Variants in LARS2 observed in about 807,000 individuals in gnomAD.
The protein encoded by LARS2 is leucyl-tRNA synthetase 2, mitochondrial, also known as leucine--tRNA ligase, mitochondrial.
A neutral mutation model predicts 116.6 loss-of-function variants in LARS2; 81 were observed. The ratio of observed to expected loss-of-function variants is 0.69; its 90% CI spans 0.58 to 0.84. The LOEUF is 0.84. LARS2 is among the 40% of genes least tolerant of loss of function. The pLI is 0.00. For missense variants in LARS2, 968 were observed against 1,114.5 expected, an observed-to-expected ratio of 0.87 and a Z score of 1.87; for synonymous variants, 396 against 407.2, an observed-to-expected ratio of 0.97 and a Z score of 0.33.
At chr3:45,511,644 A>G (rs894298332) in intron 15 of LARS2, among the ~76,000 whole-genome samples, 4 of 152,008 alleles carry the variant, frequency 2.6e-5, no homozygotes, top group African/African-American at 9.7e-5. Flanking sequence ...GGGGTTAGTC[A>G]GTTTTTCGCA....
intron 6 of LARS2, among the ~76,000 whole-genome samples, chr3:45,435,977 C>A (rs927907700): frequency 2.0e-5 from 3 of 152,182 alleles, no homozygotes; most frequent in African/African-American, 4.8e-5. Flanking sequence ...GCTTTCCTAA[C>A]CCTTCTCTTA....
chr3:45,400,342 T>C lies in LARS2; in HGVS notation c.332T>C (p.Ile111Thr). The C allele has an allele frequency of 4.3e-6, 7 of 1,612,958 alleles. No homozygotes were observed. The highest frequency in any genetic ancestry group is 1.6e-4 in the Middle Eastern group (1 of 6,062). ...CGTGTCTACACCATCAGCGACACCA[T>C]AGCACGGTTCCAGAAGATGAGAGGG... ...HVRVYTISDT[I>T]ARFQKMRGMQ... The change falls in exon 4 of 22, where the codon ATA becomes ACA. Residue 111 changes from isoleucine to threonine, a missense_variant. Coordinates refer to ENST00000645846, the MANE Select transcript of LARS2 (RefSeq NM_015340.4).
At chr3:45,458,280 A>G (rs1271918470) in intron 7 of LARS2, among the ~76,000 whole-genome samples, 1 of 152,170 alleles carries the variant, frequency 6.6e-6, no homozygotes, top group Non-Finnish European at 1.5e-5. Flanking sequence ...GAGGAAATTA[A>G]TGTGTTCTTT....
chr3:45,437,065 A>G (rs1249506897), intron 6 of LARS2, among the ~76,000 whole-genome samples: 7 of 152,224 alleles, frequency 4.6e-5, no homozygotes, highest in Admixed American at 4.6e-4. Context: ...TAAAAAAGAC[A>G]GTGTGAGATG....
At chr3:45,492,763 C>T (rs185599605) in intron 13 of LARS2, among the ~76,000 whole-genome samples, 28 of 152,296 alleles carry the variant, frequency 1.8e-4, no homozygotes, top group African/African-American at 6.7e-4. Flanking sequence ...ACCTTCTAGG[C>T]CTTCAATAAA....
intron 5 of LARS2, 131 bp downstream of exon 5, chr3:45,417,704 G>A (rs1354128209): frequency 1.2e-5 from 7 of 603,650 alleles, no homozygotes; most frequent in East Asian, 2.8e-5. Flanking sequence ...ATATGATTGT[G>A]TATATTGGTG....
chr3:45,426,816 A>T (rs1698602259), intron 6 of LARS2, among the ~76,000 whole-genome samples: 1 of 152,128 alleles, frequency 6.6e-6, no homozygotes, highest in Non-Finnish European at 1.5e-5. Flanking sequence ...CAAGGAAGTT[A>T]TTTGTTTTGT....
chr3:45,456,145 A>C (rs1283676975), intron 7 of LARS2, among the ~76,000 whole-genome samples: 3 of 152,116 alleles, frequency 2.0e-5, no homozygotes, highest in African/African-American at 4.8e-5. Context: ...TGAAAGAGTA[A>C]ATTTATCACC....
At chr3:45,458,233 TTCCTTCCCA>T (rs1419934898) in intron 7 of LARS2, among the ~76,000 whole-genome samples, 1 of 152,176 alleles carries the variant, frequency 6.6e-6, no homozygotes, top group Non-Finnish European at 1.5e-5. Flanking sequence ...CCTTAAAGGC[TTCCTTCCCA>T]AGCCTATTGT....
At chr3:45,432,454 C>T (rs1187764519) in intron 6 of LARS2, among the ~76,000 whole-genome samples, 1 of 151,934 alleles carries the variant, frequency 6.6e-6, no homozygotes, top group African/African-American at 2.4e-5. Flanking sequence ...TCTTCTCAGA[C>T]CACAATGGTA....
rs1700711013 is a variant in LARS2, at chr3:45,536,701, A to AT, written c.2405-5123dup. 2.6e-5 allele frequency among the ~76,000 whole-genome samples: 4 copies of AT among 152,212 alleles called. No individual in the cohort carries two copies. In the South Asian group the frequency reaches 6.2e-4, roughly 24 times the overall value. On this transcript the variant is annotated intron_variant, in intron 20 of 21. Transcript: ENST00000645846. ...GCTTCTTGAAGCAAAGCGAAACCTA[A>AT]TTTTTAAATTGAAAAGCATGTCTAT...
At chr3:45,526,244 T>C (rs1441924627) in intron 20 of LARS2, among the ~76,000 whole-genome samples, 2 of 152,248 alleles carry the variant, frequency 1.3e-5, no homozygotes, top group African/African-American at 4.8e-5. Flanking sequence ...CAGAATTGTT[T>C]TATCCTTTTT....
intron 11 of LARS2, among the ~76,000 whole-genome samples, 178 bp from the exon 12 acceptor site, chr3:45,488,519 G>T (rs1284978506): frequency 6.6e-6 from 1 of 152,226 alleles, no homozygotes; most frequent in Non-Finnish European, 1.5e-5. Context: ...TGTTTTGGCA[G>T]TGGGTTTCTC....
At chr3:45,414,892 G>A (rs539330606) in intron 4 of LARS2, among the ~76,000 whole-genome samples, 5 of 152,328 alleles carry the variant, frequency 3.3e-5, no homozygotes, top group Middle Eastern at 3.4e-3. Flanking sequence ...GAAAGAAGTG[G>A]CGTCTGTGGT....
At chr3:45,490,106 A>G (rs1243212813) in intron 12 of LARS2, among the ~76,000 whole-genome samples, 1 of 152,212 alleles carries the variant, frequency 6.6e-6, no homozygotes, top group Non-Finnish European at 1.5e-5. Context: ...TTGTGGCTTT[A>G]CTTCATAAAC....
intron 15 of LARS2, among the ~76,000 whole-genome samples, chr3:45,510,660 G>A (rs192077144): frequency 1.9e-4 from 29 of 152,376 alleles, no homozygotes; most frequent in African/African-American, 7.0e-4. Context: ...GAGTAAAGAC[G>A]TGGAAGCACA....
At chr3:45,416,642 C>A (rs530408973) in intron 4 of LARS2, among the ~76,000 whole-genome samples, 2 of 152,226 alleles carry the variant, frequency 1.3e-5, no homozygotes, top group Non-Finnish European at 2.9e-5. Flanking sequence ...CCACCAGTCA[C>A]GTGTGTCTGC....
chr3:45,416,558 G>A (rs1021625039), intron 4 of LARS2, among the ~76,000 whole-genome samples: 2 of 152,184 alleles, frequency 1.3e-5, no homozygotes, highest in African/African-American at 4.8e-5. Flanking sequence ...TTATGCATGT[G>A]TTCTGCAGCA....
intron 4 of LARS2, among the ~76,000 whole-genome samples, chr3:45,412,716 A>C (rs13070212): frequency 4.6e-5 from 7 of 152,176 alleles, no homozygotes; most frequent in African/African-American, 1.2e-4. Flanking sequence ...GAAATGCAGC[A>C]TAGGATGTGG....
Sources: gnomAD v4.1 joint callset for allele counts (sites outside exome capture counted in the v4.1 genomes callset) on GRCh38, gnomAD v4.1.1 for gene constraint, MANE v1.5 for transcripts, NCBI Gene and HGNC (gene_info 2026-07-23, HGNC 2026-07-21) for gene names.